Variants in PARVB observed in about 807,000 individuals in gnomAD.
PARVB encodes the protein parvin beta.
A neutral mutation model predicts 47.0 loss-of-function variants in PARVB; 46 were observed. That is an observed-to-expected ratio of 0.98 (90% CI 0.77 to 1.25). PARVB has a LOEUF of 1.25. Among genes scored for constraint, PARVB ranks in the 50% most tolerant of loss-of-function variants. The pLI, the probability that PARVB is intolerant of heterozygous loss-of-function variation, is 0.00. For synonymous variants in PARVB, 196 were observed against 196.3 expected (o/e 1.00, Z 0.01); for missense variants, 473 against 471.6 (o/e 1.00, Z -0.03).
chr22:44,160,935 G>A (rs951221052), intron 11 of PARVB, among the ~76,000 whole-genome samples: 2 of 152,188 alleles, frequency 1.3e-5, no homozygotes, highest in Non-Finnish European at 2.9e-5. Context: ...CACTCCCTCA[G>A]CGTGGAAGAG....
At chr22:44,129,011 G>A (rs2053252160) in intron 4 of PARVB, among the ~76,000 whole-genome samples, 2 of 152,236 alleles carry the variant, frequency 1.3e-5, no homozygotes, top group South Asian at 4.1e-4. Context: ...CTGGGAGGCA[G>A]AGGTTGCAGT....
chr22:44,146,418 A>G (rs750627341), intron 8 of PARVB: 2 of 152,184 alleles, frequency 1.3e-5, no homozygotes, highest in South Asian at 2.1e-4. Context: ...CGTGCCCACA[A>G]TGCACACACA....
intron 1 of PARVB, among the ~76,000 whole-genome samples, chr22:44,059,539 A>G (rs1005480889): frequency 1.3e-5 from 2 of 152,144 alleles, no homozygotes; most frequent in Non-Finnish European, 2.9e-5. Flanking sequence ...TAAGGTAAGG[A>G]GCAGTTTTTC....
intron 1 of PARVB, chr22:44,087,021 C>T (rs2052039470): frequency 1.3e-5 from 2 of 158,402 alleles, no homozygotes; most frequent in Non-Finnish European, 2.7e-5. Flanking sequence ...TGTATCCTCC[C>T]GCAAGCTCTG....
At chr22:44,142,941 A>G (rs940373664) in intron 8 of PARVB, 1 of 151,860 alleles carries the variant, frequency 6.6e-6, no homozygotes, top group Non-Finnish European at 1.5e-5. Context: ...CTGGCCCGGC[A>G]CCCGCCCCTG....
chr22:44,164,077 C>T, intron 12 of PARVB, 147 bp downstream of exon 12: 1 of 537,310 alleles, frequency 1.9e-6, no homozygotes, highest in Middle Eastern at 3.1e-4. Flanking sequence ...CCAACCCCAG[C>T]TCCTCAGTCT....
At chr22:44,085,390 A>G (rs889810912) in intron 1 of PARVB, among the ~76,000 whole-genome samples, 1 of 151,752 alleles carries the variant, frequency 6.6e-6, no homozygotes, top group Non-Finnish European at 1.5e-5. Flanking sequence ...GCTCACTGCA[A>G]CCTCCGCTTC....
At chr22:44,067,164 G>A (rs1260399665) in intron 1 of PARVB, among the ~76,000 whole-genome samples, 3 of 152,176 alleles carry the variant, frequency 2.0e-5, no homozygotes, top group Non-Finnish European at 4.4e-5. Context: ...TCTGAAAATG[G>A]CGTGTCAGGA....
chr22:44,021,844 C>T (rs191858810), upstream of PARVB, among the ~76,000 whole-genome samples: 7 of 150,454 alleles, frequency 4.7e-5, no homozygotes, highest in East Asian at 3.9e-4. Context: ...GAGGCAGAGA[C>T]GGGGCAATGC....
intron 3 of PARVB, among the ~76,000 whole-genome samples, chr22:44,102,146 G>C (rs2052462836): frequency 6.6e-6 from 1 of 152,216 alleles, no homozygotes; most frequent in Non-Finnish European, 1.5e-5. Flanking sequence ...TGAGTACCGG[G>C]AACAGGGTGG....
chr22:44,005,251 C>T (rs1417108329), intron 2 of PARVB, among the ~76,000 whole-genome samples: 1 of 149,340 alleles, frequency 6.7e-6, no homozygotes, highest in African/African-American at 2.5e-5. Flanking sequence ...AGGCGTGTGC[C>T]ACCGTGCCCA....
At chr22:44,133,835 C>T (rs1253407335) in intron 6 of PARVB, among the ~76,000 whole-genome samples, 1 of 152,234 alleles carries the variant, frequency 6.6e-6, no homozygotes, top group East Asian at 1.9e-4. Flanking sequence ...CCATGCCTGG[C>T]CTTATTTCCC....
At chr22:44,158,264 G>A (rs773109371) in intron 11 of PARVB, among the ~76,000 whole-genome samples, 181 bp downstream of exon 11, 12 of 152,206 alleles carry the variant, frequency 7.9e-5, no homozygotes, top group Non-Finnish European at 1.2e-4. Flanking sequence ...CCCATCAGCC[G>A]TCCACAACGC....
chr22:44,048,116 A>C (rs2051146208), intron 1 of PARVB, among the ~76,000 whole-genome samples: 1 of 152,172 alleles, frequency 6.6e-6, no homozygotes, highest in African/African-American at 2.4e-5. Context: ...GCGGACACAG[A>C]AGAGCTGTGC....
intron 4 of PARVB, among the ~76,000 whole-genome samples, chr22:44,130,374 G>T (rs1311459810): frequency 6.6e-6 from 1 of 152,224 alleles, no homozygotes. Flanking sequence ...CCTGCAGCGG[G>T]CGTGGGGTGG....
At chr22:44,148,162 AATTACCCAGCCCCC>A in intron 9 of PARVB, 1 of 549,484 alleles carries the variant, frequency 1.8e-6, no homozygotes, top group Non-Finnish European at 3.3e-6. Flanking sequence ...CTGTTAAGTG[AATTACCCAGCCCCC>A]ATTTCTTTCT....
At chr22:44,063,788 C>G (rs1014524589) in intron 1 of PARVB, among the ~76,000 whole-genome samples, 3 of 152,162 alleles carry the variant, frequency 2.0e-5, no homozygotes, top group African/African-American at 7.2e-5. Flanking sequence ...GCTCCTGGTA[C>G]AGATGAGTTG....
intron 1 of PARVB, among the ~76,000 whole-genome samples, chr22:44,090,371 C>T (rs969198898): frequency 1.3e-5 from 2 of 152,222 alleles, no homozygotes; most frequent in African/African-American, 2.4e-5. Flanking sequence ...CTTCAGAATG[C>T]GCTGCTGAGC....
chr22:44,101,135 C>A (rs998646708), intron 3 of PARVB, among the ~76,000 whole-genome samples: 15 of 152,198 alleles, frequency 9.9e-5, no homozygotes, highest in Non-Finnish European at 1.9e-4. Context: ...TGAGGCTGGG[C>A]GCGGTGGCTC....
Sources: allele counts gnomAD v4.1 joint callset (sites outside exome capture counted in the v4.1 genomes callset), GRCh38; gene constraint gnomAD v4.1.1; transcripts MANE v1.5; gene names NCBI Gene and HGNC (gene_info 2026-07-23, HGNC 2026-07-21).